Variants in ZNF630 observed in about 807,000 individuals in gnomAD.
ZNF630 encodes dJ54B20.2 (novel KRAB box containing C2H2 type zinc finger protein).
ZNF630 carries 5 observed loss-of-function variants against 7.2 expected under a neutral mutation model. That is an observed-to-expected ratio of 0.70 (90% CI 0.36 to 1.46). The LOEUF (loss-of-function observed/expected upper bound fraction) is 1.46. ZNF630 is among the 40% of genes most tolerant of loss of function. ZNF630 has a pLI of 0.03. For synonymous variants in ZNF630, 158 were observed against 162.8 expected, an observed-to-expected ratio of 0.97 and a Z score of 0.23; for missense variants, 461 against 477.0, an observed-to-expected ratio of 0.97 and a Z score of 0.31.
intron 2 of ZNF630, among the ~76,000 whole-genome samples, chrX:48,064,992 G>A (rs782135038): frequency 1.1e-4 from 12 of 112,131 alleles, no homozygotes; most frequent in African/African-American, 3.9e-4. Context: ...CAGATACTTC[G>A]ATCTGTCCCT....
Position 48,060,471 on chromosome X carries a change from A to T in ZNF630, c.217T>A (p.Leu73Met), listed in dbSNP as rs782712217. Residue 73 changes from leucine to methionine, a missense_variant, in exon 4 of 5, where the codon TTG becomes ATG. Leu to Met is a conservative substitution (Grantham distance 15, BLOSUM62 2). Coordinates refer to ENST00000276054, the MANE Select transcript of ZNF630 (RefSeq NM_001282201.2). ...TTACCTGGGTAGATCCACCTTGACA[A>T]CTCACTCTCTATGATCCATGGGTCC... ...GKDPWIIESELSRWIYPDRVK... is the reference protein window; with the variant it reads ...GKDPWIIESEMSRWIYPDRVK... 1 of 1,205,864 alleles carries T rather than the reference A, an allele frequency of 8.3e-7. No homozygotes were observed. The highest frequency in any genetic ancestry group is 1.8e-5 in the South Asian group (1 of 56,547).
In ZNF630 at chrX:48,059,191, CTG is replaced by C. The variant is rs1286211215; in HGVS notation, c.1249_1250del (p.Gln417AlafsTer15). 6 of 1,208,187 alleles carry C rather than the reference CTG, an allele frequency of 5.0e-6. No homozygotes were observed. Among genetic ancestry groups the C allele is most frequent in the Non-Finnish European group, 6.7e-6 (6 of 893,132 alleles). ...ECGKTFPRKTQLIIHQRTHTG... is the reference protein window; with the variant it reads ...ECGKTFPRKTXLIIHQRTHTG... ...TATGCGTTCTCTGATGTATAATGAGCTGTGTTTTCCGAGGGAAGGTCTTCCCA... is the reference window on the plus strand; with the variant it reads ...TATGCGTTCTCTGATGTATAATGAGCTGTTTTCCGAGGGAAGGTCTTCCCA... On this transcript the variant is annotated frameshift_variant, in exon 5 of 5. Transcript: ENST00000276054. LOFTEE classifies it low-confidence loss of function (END_TRUNC).
At chrX:48,069,285 A>G (rs782659486) in intron 1 of ZNF630, among the ~76,000 whole-genome samples, 43 of 110,042 alleles carry the variant, frequency 3.9e-4, no homozygotes, top group Non-Finnish European at 6.6e-4. Context: ...AAAAAATACC[A>G]TGTAGATCAC....
In ZNF630 at chrX:48,059,054, T is replaced by C. The variant is rs1217529164; in HGVS notation, c.1388A>G (p.Asp463Gly). ...CTTCTGGGAAAAGGCCTTCCCACAG[T>C]CAGTACACACATAAGGTTTTTCTCC... is the stretch of plus-strand genomic sequence containing the variant. ...HTGEKPYVCTDCGKAFSQKSH... is the reference protein window; with the variant it reads ...HTGEKPYVCTGCGKAFSQKSH... Residue 463 changes from aspartate (D) to glycine (G), a missense_variant, in exon 5 of 5, where the codon GAC becomes GGC. Asp to Gly is a moderately conservative substitution (Grantham distance 94). Coordinates refer to ENST00000276054, the MANE Select transcript of ZNF630 (RefSeq NM_001282201.2). 8.3e-7 allele frequency: 1 copy of C among 1,208,545 alleles called. No individual in the cohort carries two copies. The highest frequency in any genetic ancestry group is 1.7e-5 in the African/African-American group (1 of 57,396).
Position 48,058,347 on chromosome X carries a change from T to C in ZNF630, c.*121A>G. 1.5e-6 allele frequency: 1 copy of C among 663,997 alleles called. No homozygotes were observed. Among genetic ancestry groups the C allele is most frequent in the African/African-American group, 2.2e-5 (1 of 45,271 alleles). 54.7% of individuals were successfully genotyped at this position (663,997 alleles called of 1,213,427 possible). Reference sequence around the variant, plus strand: ...AGCAGATCATTCTGTGGAAGGGTAATCATGTATACTGAGGAACATATTAGT... The same window carrying C: ...AGCAGATCATTCTGTGGAAGGGTAACCATGTATACTGAGGAACATATTAGT... On this transcript the variant is annotated 3_prime_UTR_variant, in exon 5 of 5. Coordinates refer to ENST00000276054, the MANE Select transcript of ZNF630 (RefSeq NM_001282201.2).
At chrX:48,062,739 C>G (rs2059111348) in intron 2 of ZNF630, among the ~76,000 whole-genome samples, 1 of 108,115 alleles carries the variant, frequency 9.2e-6, no homozygotes, top group African/African-American at 3.5e-5. Context: ...GTCTCAAAAA[C>G]AAACAAACAA....
At chrX:48,060,972 TG>T in intron 2 of ZNF630, 27 bp from the exon 3 acceptor site, 1 of 1,165,269 alleles carries the variant, frequency 8.6e-7, no homozygotes, top group Non-Finnish European at 1.2e-6. Flanking sequence ...CTGTACAATC[TG>T]CTCGTTCTGG....
intron 1 of ZNF630, among the ~76,000 whole-genome samples, 183 bp from the exon 2 acceptor site, chrX:48,067,244 G>A (rs1020980800): frequency 8.9e-6 from 1 of 112,018 alleles, no homozygotes; most frequent in Non-Finnish European, 1.9e-5. Flanking sequence ...AACACCACCA[G>A]CAAATGTAAA....
chrX:48,058,377 T>G lies in ZNF630; in HGVS notation c.*91A>C. ...TATACTGAGGAACATATTAGTCTAT[T>G]CTACAGTTGAGAAGTTGTCACTATT... On this transcript the variant is annotated 3_prime_UTR_variant, in exon 5 of 5. Transcript: ENST00000276054. 1 of 907,994 alleles carries G rather than the reference T, an allele frequency of 1.1e-6. No homozygotes were observed. Among genetic ancestry groups the G allele is most frequent in the Non-Finnish European group, 1.5e-6 (1 of 665,921 alleles). The allele number at this position is 907,994 out of a possible 1,213,427, so 74.8% of individuals were successfully genotyped here.
intron 2 of ZNF630, among the ~76,000 whole-genome samples, chrX:48,065,476 AGAGG>A (rs1556909918): frequency 1.2e-3 from 93 of 77,432 alleles, no homozygotes; most frequent in African/African-American, 2.6e-3. Flanking sequence ...AGAGAGAGAG[AGAGG>A]GAGGGAGGGA....
chrX:48,071,118 C>A (rs1419388013), intron 1 of ZNF630, 149 bp downstream of exon 1: 2 of 110,502 alleles, frequency 1.8e-5, no homozygotes, highest in Admixed American at 1.9e-4. Flanking sequence ...CACAAACTCC[C>A]ATTTGCATAA....
chrX:48,059,065 A>G lies in ZNF630; in HGVS notation c.1377T>C (p.Tyr459=), dbSNP rs782181965. ...AGGCCTTCCCACAGTCAGTACACAC[A>G]TAAGGTTTTTCTCCTGTATGAATTC... ...HQRIHTGEKP[Y]VCTDCGKAFS... is the part of the protein sequence containing the mutation. Residue 459 remains tyrosine (Y), a synonymous_variant, in exon 5 of 5, where the codon TAT becomes TAC. Coordinates refer to ENST00000276054, the MANE Select transcript of ZNF630 (RefSeq NM_001282201.2). 2.5e-6 allele frequency: 3 copies of G among 1,207,004 alleles called. No homozygotes were observed. The highest frequency in any genetic ancestry group is 3.4e-6 in the Non-Finnish European group (3 of 893,054).
At chrX:48,070,158 G>A (rs1556910846) in intron 1 of ZNF630, among the ~76,000 whole-genome samples, 1 of 108,494 alleles carries the variant, frequency 9.2e-6, no homozygotes, top group Non-Finnish European at 1.9e-5. Flanking sequence ...ACGCCCAGCC[G>A]ATATTGTCTG....
intron 2 of ZNF630, among the ~76,000 whole-genome samples, chrX:48,062,038 A>C (rs1390118475): frequency 8.9e-6 from 1 of 111,870 alleles, no homozygotes; most frequent in African/African-American, 3.3e-5. Flanking sequence ...AAACTAAGAC[A>C]AGACAGCATT....
chrX:48,070,437 C>T (rs1556910881), intron 1 of ZNF630, among the ~76,000 whole-genome samples: 1 of 106,993 alleles, frequency 9.3e-6, no homozygotes, highest in African/African-American at 3.4e-5. Context: ...ATGGCGAAAC[C>T]CTGTCTCTAC....
chrX:48,067,370 T>A (rs1192922440), intron 1 of ZNF630, among the ~76,000 whole-genome samples: 3 of 112,503 alleles, frequency 2.7e-5, no homozygotes, highest in Non-Finnish European at 5.6e-5. Flanking sequence ...CCATTGATTA[T>A]CTGAAGATAT....
At chrX:48,062,125 G>A (rs1203183409) in intron 2 of ZNF630, among the ~76,000 whole-genome samples, 1 of 111,747 alleles carries the variant, frequency 8.9e-6, no homozygotes, top group East Asian at 2.8e-4. Flanking sequence ...AAGTCACAGT[G>A]ACTTAGGGTA....
At chrX:48,068,742 T>C (rs1458980244) in intron 1 of ZNF630, among the ~76,000 whole-genome samples, 6 of 111,012 alleles carry the variant, frequency 5.4e-5, no homozygotes, top group African/African-American at 2.0e-4. Context: ...CTGATGAGAC[T>C]GGGTGGTGGG....
intron 1 of ZNF630, among the ~76,000 whole-genome samples, chrX:48,068,218 GAA>G (rs782084900): frequency 0.04 from 1,265 of 31,351 alleles, 15 homozygotes; most frequent in Middle Eastern, 0.085. Flanking sequence ...GAAAAGAAAA[GAA>G]AAAAGAAAAG....
Sources: allele counts gnomAD v4.1 joint callset (sites outside exome capture counted in the v4.1 genomes callset), GRCh38; gene constraint gnomAD v4.1.1; transcripts MANE v1.5; gene names NCBI Gene and HGNC (gene_info 2026-07-23, HGNC 2026-07-21).